DPP10: variants seen among roughly 807,000 people sequenced by gnomAD.
The protein encoded by DPP10 is inactive dipeptidyl peptidase 10.
DPP10 carries 33 observed loss-of-function variants against 120.9 expected under a neutral mutation model. The ratio of observed to expected loss-of-function variants is 0.27; its 90% confidence interval spans 0.21 to 0.37. The LOEUF is 0.37. Ranked by LOEUF, DPP10 falls within the 10% of genes least tolerant of loss-of-function variation. DPP10 has a pLI of 1.00. For synonymous variants in DPP10, 337 were observed against 326.1 expected (o/e 1.03, Z -0.36); for missense variants, 816 against 942.8 (o/e 0.87, Z 1.76).
intron 3 of DPP10, among the ~76,000 whole-genome samples, chr2:115,346,250 A>G (rs1351920737): frequency 6.6e-6 from 1 of 152,238 alleles, no homozygotes; most frequent in Non-Finnish European, 1.5e-5. Context: ...ATCAACAGTT[A>G]TATCTAAATG....
In DPP10 at chr2:115,086,069, T is replaced by C. The variant is rs926066574; in HGVS notation, c.61-223170T>C. ...CATGTTTTTCTGCCATGTCTTGGAA[T>C]GGCCCTACAAAGCCATCCTTTGTTG... is the stretch of plus-strand genomic sequence containing the variant. On this transcript the variant is annotated intron_variant, in intron 1 of 25. Coordinates refer to ENST00000410059, the MANE Select transcript of DPP10 (RefSeq NM_020868.6). 3.3e-5 allele frequency among the ~76,000 whole-genome samples: 5 copies of C among 152,234 alleles called. No individual in the cohort carries two copies. The South Asian group carries it at 1.0e-3, about 31-fold the overall frequency.
At chr2:115,142,251 T>A (rs1040514927) in intron 1 of DPP10, among the ~76,000 whole-genome samples, 4 of 152,192 alleles carry the variant, frequency 2.6e-5, no homozygotes, top group African/African-American at 9.6e-5. Flanking sequence ...AAAAAATCAT[T>A]CACTGCTTTT....
intron 1 of DPP10, among the ~76,000 whole-genome samples, chr2:114,781,307 G>T (rs1298990342): frequency 6.6e-6 from 1 of 152,178 alleles, no homozygotes; most frequent in Non-Finnish European, 1.5e-5. Context: ...AAAGCTCATA[G>T]AGGCTAGTTG....
In DPP10 at chr2:114,698,065, A is replaced by G. The variant is rs1038343442; in HGVS notation, c.60+255227A>G. On this transcript the variant is annotated intron_variant, in intron 1 of 25. Transcript: ENST00000410059. Reference sequence around the variant, plus strand: ...AATATTTGTATTTCATGTTGGAATTAAAACCCAGGCATGTTTTAGTGTACA... The same window carrying G: ...AATATTTGTATTTCATGTTGGAATTGAAACCCAGGCATGTTTTAGTGTACA... Among the ~76,000 whole-genome samples, 57 of 152,120 alleles carry G rather than the reference A, an allele frequency of 3.7e-4. 2 individuals are homozygous for G.
At chr2:115,705,619 T>C (rs1454561990) in intron 7 of DPP10, among the ~76,000 whole-genome samples, 2 of 151,896 alleles carry the variant, frequency 1.3e-5, no homozygotes, top group African/African-American at 2.4e-5. Context: ...CACTAGGGAG[T>C]GAAGCCAAAC....
intron 3 of DPP10, among the ~76,000 whole-genome samples, chr2:115,493,396 T>A (rs2076226215): frequency 6.6e-6 from 1 of 152,012 alleles, no homozygotes; most frequent in Non-Finnish European, 1.5e-5. Flanking sequence ...ACAAGATATG[T>A]GATCTAGCAT....
At chr2:115,080,744 T>A (rs1167792559) in intron 1 of DPP10, among the ~76,000 whole-genome samples, 5 of 152,212 alleles carry the variant, frequency 3.3e-5, no homozygotes, top group Admixed American at 6.5e-5. Context: ...TCTTTATTGT[T>A]TCTTACACCT....
At chr2:115,156,376 C>T (rs180920592) in intron 1 of DPP10, among the ~76,000 whole-genome samples, 139 of 152,278 alleles carry the variant, frequency 9.1e-4, no homozygotes, top group Non-Finnish European at 1.3e-3. Flanking sequence ...AGGGCTATTG[C>T]ACCAGAATCT....
At chr2:114,550,806 A>C (rs920370124) in intron 1 of DPP10, among the ~76,000 whole-genome samples, 7 of 152,336 alleles carry the variant, frequency 4.6e-5, no homozygotes, top group Middle Eastern at 3.4e-3. Flanking sequence ...GGTTAGGGAC[A>C]GTTTCTACCT....
At chr2:114,934,125 C>A (rs1696283241) in intron 1 of DPP10, among the ~76,000 whole-genome samples, 1 of 152,116 alleles carries the variant, frequency 6.6e-6, no homozygotes, top group Non-Finnish European at 1.5e-5. Flanking sequence ...GAGTCCACTA[C>A]AAAGAAATAA....
chr2:114,772,114 A>T (rs1681318903), intron 1 of DPP10, among the ~76,000 whole-genome samples: 1 of 151,444 alleles, frequency 6.6e-6, no homozygotes, highest in South Asian at 2.1e-4. Flanking sequence ...CATAGTATAG[A>T]GTTCTAAATC....
intron 1 of DPP10, among the ~76,000 whole-genome samples, chr2:114,987,010 C>T (rs989821182): frequency 1.3e-5 from 2 of 152,032 alleles, no homozygotes; most frequent in African/African-American, 2.4e-5. Context: ...GAACTCCTGA[C>T]CTCAAGTGAT....
At chr2:115,819,426 C>T (rs1687586223) in intron 21 of DPP10, among the ~76,000 whole-genome samples, 1 of 152,030 alleles carries the variant, frequency 6.6e-6, no homozygotes, top group African/African-American at 2.4e-5. Flanking sequence ...CTTACTAGTG[C>T]CTTCTTGCTT....
At chr2:115,745,487 C>T (rs1055359554) in intron 9 of DPP10, among the ~76,000 whole-genome samples, 1 of 150,428 alleles carries the variant, frequency 6.6e-6, no homozygotes, top group East Asian at 1.9e-4. Context: ...GGACAGTCTG[C>T]CCATGGCCCA....
chr2:115,820,730 A>G (rs955009335), intron 21 of DPP10, among the ~76,000 whole-genome samples: 6 of 151,856 alleles, frequency 4.0e-5, no homozygotes, highest in South Asian at 2.1e-4. Context: ...ATGGTCTCCA[A>G]TTCCATCCAG....
intron 3 of DPP10, among the ~76,000 whole-genome samples, chr2:115,387,886 G>A (rs1333274432): frequency 2.0e-5 from 3 of 152,136 alleles, no homozygotes; most frequent in South Asian, 2.1e-4. Context: ...TCAACAATAT[G>A]TTGATAAGTG....
chr2:115,001,755 A>G (rs999523613), intron 1 of DPP10, among the ~76,000 whole-genome samples: 7 of 152,186 alleles, frequency 4.6e-5, no homozygotes, highest in Admixed American at 4.6e-4. Context: ...GCTGAGAGCC[A>G]AGTCAAGAAT....
At chr2:114,820,341 T>C (rs1558774343) in intron 1 of DPP10, among the ~76,000 whole-genome samples, 2 of 152,158 alleles carry the variant, frequency 1.3e-5, no homozygotes, top group African/African-American at 2.4e-5. Flanking sequence ...TCTATACACT[T>C]GCACAAAGGT....
At chr2:115,427,643 G>T (rs1179057889) in intron 3 of DPP10, among the ~76,000 whole-genome samples, 1 of 152,114 alleles carries the variant, frequency 6.6e-6, no homozygotes, top group East Asian at 1.9e-4. Flanking sequence ...CAGTCCCCCT[G>T]GGCCTCTGAT....
Sources: allele counts gnomAD v4.1 joint callset (sites outside exome capture counted in the v4.1 genomes callset), GRCh38; gene constraint gnomAD v4.1.1; transcripts MANE v1.5; gene names NCBI Gene and HGNC (gene_info 2026-07-23, HGNC 2026-07-21).